LGR4: variants seen among roughly 807,000 people sequenced by gnomAD.
LGR4 encodes leucine-rich repeat-containing G protein-coupled receptor 4.
In LGR4, 44 loss-of-function variants were observed where a neutral mutation model predicts 84.8. The observed-to-expected ratio is 0.52, with a 90% CI of 0.41 to 0.67. The LOEUF is 0.67. LGR4 is among the 30% of genes least tolerant of loss of function. The pLI, the probability that LGR4 is intolerant of heterozygous loss-of-function variation, is 0.00. For synonymous variants in LGR4, 429 were observed against 434.3 expected, an observed-to-expected ratio of 0.99 and a Z score of 0.15; for missense variants, 1,032 against 1,131.4, an observed-to-expected ratio of 0.91 and a Z score of 1.26.
Position 27,368,692 on chromosome 11 carries a change from G to A in LGR4, c.2031C>T (p.Gly677=), listed in dbSNP as rs765370828. 1 of 1,613,822 alleles carries A rather than the reference G, an allele frequency of 6.2e-7. No individual in the cohort carries two copies. Among genetic ancestry groups the A allele is most frequent in the Non-Finnish European group, 8.5e-7 (1 of 1,179,858 alleles). ...CCCCTCTATGGAAAAGGGGAAAACA[G>A]CCTGCTACTGTAGCACCTAGGAAAG... ...LLAFLGATVA[G]CFPLFHRGEY... The change falls in exon 18 of 18, where the codon GGC becomes GGT. Residue 677 remains glycine (G), a synonymous_variant. Transcript: ENST00000379214.
At chr11:27,386,158 T>C (rs1347810614) in intron 4 of LGR4, among the ~76,000 whole-genome samples, 1 of 152,228 alleles carries the variant, frequency 6.6e-6, no homozygotes, top group Non-Finnish European at 1.5e-5. Context: ...CTGGAATCAA[T>C]GTTACTGTGG....
chr11:27,435,190 G>A (rs2133425576), intron 1 of LGR4, among the ~76,000 whole-genome samples: 1 of 152,010 alleles, frequency 6.6e-6, no homozygotes, highest in South Asian at 2.1e-4. Flanking sequence ...CAAATTAGCT[G>A]GGCATGGTGA....
In LGR4 at chr11:27,390,282, C is replaced by T. The variant is rs373099078; in HGVS notation, c.401+812G>A. On this transcript the variant is annotated intron_variant, in intron 4 of 17. Coordinates refer to ENST00000379214, the MANE Select transcript of LGR4 (RefSeq NM_018490.5). ...AGTTATTTCAAAGTATAATACAAAA[C>T]CTAAGAGACAAATTGTATGCAAATA... 2.6e-5 allele frequency among the ~76,000 whole-genome samples: 4 copies of T among 152,154 alleles called. No individual in the cohort carries two copies. The South Asian group carries it at 6.2e-4, about 24-fold the overall frequency.
chr11:27,368,926 A>G lies in LGR4; in HGVS notation c.1797T>C (p.Ala599=). Residue 599 remains alanine, a synonymous_variant, in exon 18 of 18, where the codon GCT becomes GCC. Coordinates refer to ENST00000379214, the MANE Select transcript of LGR4 (RefSeq NM_018490.5). ...IYTGILTFLD[A]VSWGRFAEFG... ...ATTCAGCGAATCTGCCCCAGGACAC[A>G]GCATCAAGAAAAGTTAGGATGCCAG... is the stretch of plus-strand genomic sequence containing the variant. 6.2e-7 allele frequency: 1 copy of G among 1,614,164 alleles called. No homozygotes were observed. The highest frequency in any genetic ancestry group is 8.5e-7 in the Non-Finnish European group (1 of 1,180,018).
chr11:27,457,214 A>G (rs1864590385), intron 1 of LGR4, among the ~76,000 whole-genome samples: 1 of 152,236 alleles, frequency 6.6e-6, no homozygotes, highest in Non-Finnish European at 1.5e-5. Context: ...TAGTTAGCAC[A>G]TGTAAAATGC....
chr11:27,373,926 T>A, intron 14 of LGR4, 49 bp downstream of exon 14: 1 of 1,259,570 alleles, frequency 7.9e-7, no homozygotes, highest in Non-Finnish European at 1.2e-6. Context: ...GATGTTTCTA[T>A]AGCACTAGTT....
At chr11:27,428,960 C>T (rs917010468) in intron 1 of LGR4, among the ~76,000 whole-genome samples, 7 of 151,988 alleles carry the variant, frequency 4.6e-5, no homozygotes, top group African/African-American at 1.7e-4. Flanking sequence ...CCTGGAGACA[C>T]AACAGGAGGA....
rs945420960 is a variant in LGR4, at chr11:27,366,762, C to T, written c.*1105G>A. On this transcript the variant is annotated 3_prime_UTR_variant, in exon 18 of 18. Coordinates refer to ENST00000379214, the MANE Select transcript of LGR4 (RefSeq NM_018490.5). ...ATTATCTTGTTTAACCAGAGTTCAA[C>T]CTCTGAGCTATTGAATAGGCTCTTT... is the stretch of plus-strand genomic sequence containing the variant. 1.3e-5 allele frequency: 2 copies of T among 152,280 alleles called. No individual in the cohort carries two copies. The highest frequency in any genetic ancestry group is 6.5e-5 in the Admixed American group (1 of 15,268). 9.4% of individuals were successfully genotyped at this position (152,280 alleles called of 1,614,324 possible). A position where few individuals can be genotyped will look rare whatever the true frequency, so the allele number is the denominator to read the frequency against.
At chr11:27,399,227 C>G (rs1208224741) in intron 2 of LGR4, among the ~76,000 whole-genome samples, 10 of 152,096 alleles carry the variant, frequency 6.6e-5, no homozygotes, top group Admixed American at 6.6e-4. Context: ...CTCCTTGTTT[C>G]TTTCTATACC....
At chr11:27,378,036 T>G (rs1863021457) in intron 11 of LGR4, among the ~76,000 whole-genome samples, 1 of 152,100 alleles carries the variant, frequency 6.6e-6, no homozygotes, top group Admixed American at 6.5e-5. Flanking sequence ...ATAGCCCAGG[T>G]GTGTAGAAGA....
chr11:27,373,430 A>G, intron 15 of LGR4, 121 bp downstream of exon 15: 1 of 942,558 alleles, frequency 1.1e-6, no homozygotes, highest in East Asian at 2.6e-5. Context: ...ACTGACGTAG[A>G]AAACACCCTT....
intron 11 of LGR4, among the ~76,000 whole-genome samples, chr11:27,378,395 C>T (rs1043454403): frequency 2.0e-5 from 3 of 151,964 alleles, no homozygotes; most frequent in Non-Finnish European, 4.4e-5. Flanking sequence ...AGGAGAGATA[C>T]CCCTGGAGAA....
intron 4 of LGR4, among the ~76,000 whole-genome samples, chr11:27,390,318 C>T (rs1363415510): frequency 6.6e-6 from 1 of 152,098 alleles, no homozygotes; most frequent in Non-Finnish European, 1.5e-5. Flanking sequence ...TGTGATGTCG[C>T]TAAAACACAA....
rs1427706352 is a variant in LGR4 at position 27,433,828 on chromosome 11, T to C, written c.186-20968A>G. 2.6e-5 allele frequency among the ~76,000 whole-genome samples: 4 copies of C among 152,176 alleles called. No homozygotes were observed. In the East Asian group the frequency reaches 7.7e-4, roughly 29 times the overall value. ...AAAGGGACTTAAAAATGGAGTCCAA[T>C]TCCCATGGGCCACAGCCAAACTTTG... On this transcript the variant is annotated intron_variant, in intron 1 of 17. Transcript: ENST00000379214.
chr11:27,450,173 A>C (rs73448039), intron 1 of LGR4, among the ~76,000 whole-genome samples: 12,805 of 152,236 alleles, frequency 0.084, 1,706 homozygotes, highest in African/African-American at 0.29. Flanking sequence ...ATTAAGGACA[A>C]CGGAAGGGAC....
chr11:27,425,489 T>C (rs1406151163), intron 1 of LGR4, among the ~76,000 whole-genome samples: 1 of 151,912 alleles, frequency 6.6e-6, no homozygotes, highest in African/African-American at 2.4e-5. Flanking sequence ...CAGGGGCTGA[T>C]TTTTAAAATT....
At chr11:27,436,659 A>G (rs912429086) in intron 1 of LGR4, among the ~76,000 whole-genome samples, 1 of 152,220 alleles carries the variant, frequency 6.6e-6, no homozygotes, top group Non-Finnish European at 1.5e-5. Context: ...ATAAATCATG[A>G]TAGCAGTAAA....
At chr11:27,422,659 C>T (rs2133410887) in intron 1 of LGR4, among the ~76,000 whole-genome samples, 1 of 152,262 alleles carries the variant, frequency 6.6e-6, no homozygotes, top group Non-Finnish European at 1.5e-5. Context: ...AAGGAATTGC[C>T]TACTCAAGTC....
chr11:27,426,045 G>C (rs1371101894), intron 1 of LGR4, among the ~76,000 whole-genome samples: 1 of 152,156 alleles, frequency 6.6e-6, no homozygotes, highest in Non-Finnish European at 1.5e-5. Flanking sequence ...GCTTTACATA[G>C]TAATAGTAGT....
Sources: gnomAD v4.1 joint callset for allele counts (sites outside exome capture counted in the v4.1 genomes callset) on GRCh38, gnomAD v4.1.1 for gene constraint, MANE v1.5 for transcripts, NCBI Gene and HGNC (gene_info 2026-07-23, HGNC 2026-07-21) for gene names.